KALRN: variants seen among roughly 807,000 people sequenced by gnomAD.
KALRN encodes the protein kalirin.
KALRN carries 70 observed loss-of-function variants against 353.7 expected under a neutral mutation model. The ratio of observed to expected loss-of-function variants is 0.20; its 90% CI spans 0.16 to 0.24. KALRN has a LOEUF of 0.24. Ranked by LOEUF, KALRN falls within the 10% of genes least tolerant of loss-of-function variation. The pLI is 1.00. For synonymous variants in KALRN, 1,391 were observed against 1,434.8 expected (o/e 0.97, Z 0.69); for missense variants, 2,791 against 3,756.7 (o/e 0.74, Z 6.72).
At chr3:124,642,806 G>GTTGTTGTTTTTTTTTTTTTT (rs796628603) in intron 37 of KALRN, among the ~76,000 whole-genome samples, 2 of 96,840 alleles carry the variant, frequency 2.1e-5, no homozygotes, top group African/African-American at 9.0e-5. Flanking sequence ...CCCAAGCCTC[G>GTTGTTGTTTTTTTTTTTTTT]TTTTTTTTTT....
chr3:124,282,902 C>T (rs2075488698), intron 5 of KALRN, among the ~76,000 whole-genome samples: 1 of 152,190 alleles, frequency 6.6e-6, no homozygotes, highest in Non-Finnish European at 1.5e-5. Flanking sequence ...AGCCCCATTG[C>T]AGAGGCTGCT....
chr3:124,221,220 T>A (rs2077872727), intron 1 of KALRN, among the ~76,000 whole-genome samples: 1 of 152,252 alleles, frequency 6.6e-6, no homozygotes, highest in Admixed American at 6.5e-5. Flanking sequence ...CCTCTCTGCC[T>A]TGGCATGTAC....
intron 34 of KALRN, among the ~76,000 whole-genome samples, chr3:124,566,200 A>G (rs1471358466): frequency 4.6e-5 from 7 of 152,232 alleles, no homozygotes; most frequent in East Asian, 3.9e-4. Context: ...CCGACTCCCA[A>G]CAGTCAAGGA....
intron 1 of KALRN, among the ~76,000 whole-genome samples, chr3:124,037,352 G>A (rs1219773383): frequency 6.6e-6 from 1 of 152,234 alleles, no homozygotes; most frequent in Non-Finnish European, 1.5e-5. Flanking sequence ...AGAATGGGCA[G>A]TGGCACATGG....
chr3:124,604,091 C>A (rs2077074867), intron 34 of KALRN, among the ~76,000 whole-genome samples: 1 of 151,810 alleles, frequency 6.6e-6, no homozygotes, highest in South Asian at 2.1e-4. Context: ...AGACCCAAAA[C>A]CCCCACAAAG....
At chr3:124,465,788 G>A (rs1329534714) in intron 25 of KALRN, among the ~76,000 whole-genome samples, 6 of 152,134 alleles carry the variant, frequency 3.9e-5, no homozygotes. Context: ...CAGGTTATCT[G>A]CCTGTAATCC....
intron 48 of KALRN, among the ~76,000 whole-genome samples, chr3:124,672,178 C>T (rs1284904966): frequency 1.3e-5 from 2 of 152,166 alleles, no homozygotes; most frequent in East Asian, 3.9e-4. Context: ...AAATTCCTGG[C>T]CTCAGGCGAT....
At chr3:124,228,241 C>T (rs1295484595) in intron 2 of KALRN, among the ~76,000 whole-genome samples, 177 bp downstream of exon 2, 1 of 152,082 alleles carries the variant, frequency 6.6e-6, no homozygotes, top group Non-Finnish European at 1.5e-5. Flanking sequence ...GGCTCTGGCC[C>T]CAGCTGAGTG....
intron 34 of KALRN, among the ~76,000 whole-genome samples, chr3:124,613,396 T>A (rs1488144371): frequency 6.6e-6 from 1 of 152,212 alleles, no homozygotes; most frequent in East Asian, 1.9e-4. Flanking sequence ...GTACATTGGA[T>A]GTTTTTCCTG....
At chr3:124,676,855 G>T (rs1204180523) in intron 49 of KALRN, among the ~76,000 whole-genome samples, 1 of 152,160 alleles carries the variant, frequency 6.6e-6, no homozygotes, top group Non-Finnish European at 1.5e-5. Context: ...TACAACGGTT[G>T]GAGCAAGGTG....
At chr3:124,574,981 T>G (rs2713644) in intron 34 of KALRN, among the ~76,000 whole-genome samples, 64,123 of 152,038 alleles carry the variant, frequency 0.42, 14,719 homozygotes, top group East Asian at 0.83. Flanking sequence ...ACTTGCTCCT[T>G]GAGAACAACT....
intron 34 of KALRN, among the ~76,000 whole-genome samples, chr3:124,582,284 G>T (rs1373199866): frequency 6.6e-6 from 1 of 152,174 alleles, no homozygotes; most frequent in East Asian, 1.9e-4. Context: ...GCCTCCCAAA[G>T]TGCTGGGATT....
chr3:124,650,899 CAGA>C lies in KALRN; in HGVS notation c.5764_5766del (p.Glu1922del), dbSNP rs752248633. 11 of 1,614,180 alleles carry C rather than the reference CAGA, an allele frequency of 6.8e-6. No homozygotes were observed. Among genetic ancestry groups the C allele is most frequent in the Middle Eastern group, 3.3e-4 (2 of 6,062 alleles). ...GCCCCACCCACACCTCCTAAAAACC[CAGA>C]AGAAGAACAGAAAGCCAAGGCCCTG... is the stretch of plus-strand genomic sequence containing the variant. On this transcript the variant is annotated inframe_deletion, in exon 38 of 60. Coordinates refer to ENST00000682506, the MANE Select transcript of KALRN (RefSeq NM_001388419.1).
Position 124,659,365 on chromosome 3 carries a change from G to A in KALRN, c.6124G>A (p.Glu2042Lys), listed in dbSNP as rs1345311075. 1 of 1,607,436 alleles carries A rather than the reference G, an allele frequency of 6.2e-7. No homozygotes were observed. The highest frequency in any genetic ancestry group is 2.2e-5 in the East Asian group (1 of 44,830). The change falls in exon 43 of 60, where the codon GAG (glutamate) becomes AAG (lysine). Residue 2042 changes from glutamate (E) to lysine (K), a missense_variant and splice_region_variant. Coordinates refer to ENST00000682506, the MANE Select transcript of KALRN (RefSeq NM_001388419.1). ...IVAEYDAYFE[E>K]VKQEINQRLT... ...TCTAATATTGCTGCCTGTGTTTCAG[G>A]AGGTAAAACAGGAGATAAATCAGAG... is the stretch of plus-strand genomic sequence containing the variant.
intron 50 of KALRN, 25 bp downstream of exon 50, chr3:124,678,338 G>C (rs750575758): frequency 6.2e-7 from 1 of 1,610,642 alleles, no homozygotes; most frequent in Non-Finnish European, 8.5e-7. Context: ...CCGGAGCTGC[G>C]TCCCCACCTG....
intron 21 of KALRN, among the ~76,000 whole-genome samples, chr3:124,454,549 C>T (rs114959433): frequency 1.3e-5 from 2 of 152,144 alleles, no homozygotes; most frequent in Admixed American, 1.3e-4. Flanking sequence ...TTACTGTCTT[C>T]CACTGTACTA....
chr3:124,041,037 A>G (rs916926496), intron 1 of KALRN, among the ~76,000 whole-genome samples: 11 of 152,198 alleles, frequency 7.2e-5, no homozygotes, highest in Admixed American at 2.6e-4. Flanking sequence ...AGTGTTTACT[A>G]TAGTCATGTA....
chr3:124,279,135 C>T (rs1330315373), intron 5 of KALRN, among the ~76,000 whole-genome samples: 1 of 152,162 alleles, frequency 6.6e-6, no homozygotes, highest in Non-Finnish European at 1.5e-5. Context: ...ATGCACAGTT[C>T]AGGCCTCCTG....
chr3:124,696,390 C>A, intron 54 of KALRN, 135 bp downstream of exon 54: 2 of 655,828 alleles, frequency 3.0e-6, no homozygotes, highest in Non-Finnish European at 4.8e-6. Flanking sequence ...ACCACCTCAG[C>A]CTCCCGATTA....
Sources: allele counts gnomAD v4.1 joint callset (sites outside exome capture counted in the v4.1 genomes callset), GRCh38; gene constraint gnomAD v4.1.1; transcripts MANE v1.5; gene names NCBI Gene and HGNC (gene_info 2026-07-23, HGNC 2026-07-21).